Variants in PPP2R3B observed in about 807,000 individuals in gnomAD.
PPP2R3B encodes the protein serine/threonine-protein phosphatase 2A regulatory subunit B'' subunit beta.
Under a neutral mutation model 72.9 loss-of-function variants are expected in PPP2R3B, and 68 were observed. The ratio of observed to expected loss-of-function variants is 0.93; its 90% CI spans 0.77 to 1.14. The LOEUF (loss-of-function observed/expected upper bound fraction) is 1.14, where lower values mean the gene tolerates loss of function less well. Among genes scored for constraint, PPP2R3B ranks in the 50% most tolerant of loss-of-function variants. The pLI, the probability that PPP2R3B is intolerant of heterozygous loss-of-function variation, is 0.00. For synonymous variants in PPP2R3B, 466 were observed against 375.8 expected (o/e 1.24, Z -2.78); for missense variants, 1,018 against 842.0 (o/e 1.21, Z -2.59).
At chrX:359,692 A>G (rs2071503140) in intron 2 of PPP2R3B, among the ~76,000 whole-genome samples, 3 of 152,382 alleles carry the variant, frequency 2.0e-5, no homozygotes, top group Non-Finnish European at 2.9e-5. Context: ...GCAAAAACAA[A>G]TATGCAAGTG....
rs1460106627 is a variant in PPP2R3B, at chrX:361,448, G to C, written c.467C>G (p.Pro156Arg). Residue 156 changes from proline (P) to arginine (R), a missense_variant, in exon 2 of 13, where the codon CCC becomes CGC. Physicochemically the swap from Pro to Arg is moderately radical, Grantham distance 103 (BLOSUM62 -2). Transcript: ENST00000390665. ...GTCATCCATGGTGGCCCTCTCGTGG[G>C]GGAACCGGGCGAAGGTGCTCTCGAT... Reference protein sequence around the residue: ...SKIESTFARFPHERATMDDMG... With the variant: ...SKIESTFARFRHERATMDDMG... The C allele has an allele frequency of 3.1e-6, 5 of 1,613,882 alleles. No individual in the cohort carries two copies. Among genetic ancestry groups the C allele is most frequent in the Non-Finnish European group, 4.2e-6 (5 of 1,179,868 alleles).
Position 339,294 on chromosome X carries a change from C to T in PPP2R3B, c.1352-398G>A, listed in dbSNP as rs770796075. On this transcript the variant is annotated intron_variant, in intron 10 of 12. Transcript: ENST00000390665. ...GGCCGGGGGGGGCAGGGCTGCAGGG[C>T]GGTGCCCGGGCCTCAGAGCCATTTC... 5.8e-3 allele frequency among the ~76,000 whole-genome samples: 785 copies of T among 134,660 alleles called. 14 individuals carry two copies. Among genetic ancestry groups the T allele is most frequent in the African/African-American group, 0.021 (734 of 35,418 alleles). 88.3% of individuals were successfully genotyped at this position (134,660 alleles called of 152,430 possible). A position where few individuals can be genotyped will look rare whatever the true frequency, so the allele number is the denominator to read the frequency against.
chrX:369,479 G>A (rs1182905354), intron 1 of PPP2R3B, among the ~76,000 whole-genome samples: 1 of 152,198 alleles, frequency 6.6e-6, no homozygotes, highest in East Asian at 1.9e-4. Flanking sequence ...CCCTTCCAGA[G>A]TACACCCACA....
intron 1 of PPP2R3B, among the ~76,000 whole-genome samples, chrX:375,541 G>A (rs2071972340): frequency 1.3e-5 from 2 of 148,582 alleles, no homozygotes; most frequent in Non-Finnish European, 1.5e-5. Context: ...GTGCCGTCCC[G>A]TCACCCACGA....
At chrX:384,301 T>TACAC (rs2072197438) in intron 1 of PPP2R3B, among the ~76,000 whole-genome samples, 1 of 138,692 alleles carries the variant, frequency 7.2e-6, no homozygotes, top group African/African-American at 2.9e-5. Flanking sequence ...TATATATACT[T>TACAC]TTTTTTTTTT....
chrX:369,390 C>A (rs1477790741), intron 1 of PPP2R3B, among the ~76,000 whole-genome samples: 2 of 152,224 alleles, frequency 1.3e-5, no homozygotes, highest in African/African-American at 4.8e-5. Context: ...TGACTCCCAA[C>A]AAGCTATTTC....
At chrX:347,892 G>A (rs1330625217) in intron 2 of PPP2R3B, 199 bp from the exon 3 acceptor site, 5 of 556,234 alleles carry the variant, frequency 9.0e-6, no homozygotes, top group African/African-American at 5.8e-5. Context: ...AGAGCTGAGC[G>A]TGGGAGTGCC....
At chrX:376,286 CTCGAACCACCTCTGGATGCAGTCCCACT>C (rs775812103) in intron 1 of PPP2R3B, among the ~76,000 whole-genome samples, 33,931 of 152,044 alleles carry the variant, frequency 0.22, 4,327 homozygotes, top group Non-Finnish European at 0.29. Flanking sequence ...ACCTGGAGCC[CTCGAACCACCTCTGGATGCAGTCCCACT>C]GCCCCCCTGG....
intron 4 of PPP2R3B, 125 bp from the exon 5 acceptor site, chrX:346,900 T>G: frequency 1.1e-6 from 1 of 905,656 alleles, no homozygotes; most frequent in Non-Finnish European, 1.7e-6. Flanking sequence ...ACGCCGGCCC[T>G]CCCGTGAGGG....
rs759614605 is a variant in PPP2R3B at position 338,798 on chromosome X, C to G, written c.1450G>C (p.Glu484Gln). Residue 484 changes from glutamate (E) to glutamine (Q), a missense_variant, in exon 11 of 13, where the codon GAG becomes CAG. By Grantham distance (29) the Glu-to-Gln change is conservative. Transcript: ENST00000390665. ...IEKYLDHEQK[E>Q]QISLLRDGDS... is the part of the protein sequence containing the mutation. ...CTCACCCTGAGCAGGGAGATCTGCT[C>G]TTTCTGCTCGTGGTCGAGGTACTTC... 2 of 1,612,326 alleles carry G rather than the reference C, an allele frequency of 1.2e-6. No individual in the cohort carries two copies. The highest frequency in any genetic ancestry group is 1.7e-6 in the Non-Finnish European group (2 of 1,179,694).
In PPP2R3B at chrX:334,245, AAAT is replaced by A; in HGVS notation, c.*119_*121del. The A allele has an allele frequency of 8.5e-7, 1 of 1,169,872 alleles. No homozygotes were observed. Among genetic ancestry groups the A allele is most frequent in the East Asian group, 3.2e-5 (1 of 31,164 alleles). The allele number at this position is 1,169,872 out of a possible 1,614,324, so 72.5% of individuals were successfully genotyped here. A position where few individuals can be genotyped will look rare whatever the true frequency, so the allele number is the denominator to read the frequency against. ...CGGCAATCAACACGCTTCTGTGAAT[AAAT>A]AAAAGTTTATCATTCCGTACAAACG... On this transcript the variant is annotated 3_prime_UTR_variant, in exon 13 of 13. Coordinates refer to ENST00000390665, the MANE Select transcript of PPP2R3B (RefSeq NM_013239.5).
intron 3 of PPP2R3B, 78 bp from the exon 4 acceptor site, chrX:347,414 G>T: frequency 7.1e-7 from 1 of 1,409,678 alleles, no homozygotes; most frequent in Non-Finnish European, 1.0e-6. Context: ...TGGAACACGT[G>T]TGTGGTGTTC....
chrX:353,772 A>G (rs1423339926), intron 2 of PPP2R3B, among the ~76,000 whole-genome samples: 8 of 134,582 alleles, frequency 5.9e-5, no homozygotes, highest in African/African-American at 2.5e-4. Flanking sequence ...CCGGGGGCTC[A>G]CCCAAAGACC....
chrX:339,145 C>CA (rs11426714), intron 10 of PPP2R3B, among the ~76,000 whole-genome samples: 2 of 151,152 alleles, frequency 1.3e-5, no homozygotes, highest in African/African-American at 4.9e-5. Context: ...TGGACTGGGA[C>CA]TAGCGCAGGG....
At chrX:374,816 T>C (rs1356271023) in intron 1 of PPP2R3B, among the ~76,000 whole-genome samples, 1 of 152,168 alleles carries the variant, frequency 6.6e-6, no homozygotes, top group Non-Finnish European at 1.5e-5. Context: ...CTGTTGAGTC[T>C]GGAAAAACGC....
intron 1 of PPP2R3B, among the ~76,000 whole-genome samples, chrX:371,290 C>T (rs1260369959): frequency 6.6e-6 from 1 of 152,160 alleles, no homozygotes; most frequent in Non-Finnish European, 1.5e-5. Flanking sequence ...GGTGAGAGTA[C>T]GTGTAACACG....
chrX:348,405 G>A (rs1336462101), intron 2 of PPP2R3B, among the ~76,000 whole-genome samples: 4 of 151,880 alleles, frequency 2.6e-5, no homozygotes, highest in African/African-American at 7.3e-5. Context: ...GTGAAACCTC[G>A]TCTCTACTAA....
chrX:367,353 T>G (rs2071742500), intron 1 of PPP2R3B, among the ~76,000 whole-genome samples: 1 of 151,538 alleles, frequency 6.6e-6, no homozygotes. Flanking sequence ...GCTGACTGGA[T>G]GAGTGTGAGA....
chrX:340,965 C>T, intron 9 of PPP2R3B, 25 bp from the exon 10 acceptor site: 4 of 1,604,430 alleles, frequency 2.5e-6, no homozygotes, highest in Admixed American at 3.3e-5. Flanking sequence ...GCTCTGTCAG[C>T]CCCTGCCCTG....
Sources: gnomAD v4.1 joint callset for allele counts (sites outside exome capture counted in the v4.1 genomes callset) on GRCh38, gnomAD v4.1.1 for gene constraint, MANE v1.5 for transcripts, NCBI Gene and HGNC (gene_info 2026-07-23, HGNC 2026-07-21) for gene names.